The following FBXO27 variants were observed in gnomAD, a reference collection of about 807,000 sequenced individuals.
FBXO27 encodes F-box only protein 27.
Under a neutral mutation model 28.3 loss-of-function variants are expected in FBXO27, and 28 were observed. The ratio of observed to expected loss-of-function variants is 0.99; its 90% CI spans 0.73 to 1.36. The LOEUF is 1.36. FBXO27 is among the 40% of genes most tolerant of loss of function. The pLI, the probability that FBXO27 is intolerant of heterozygous loss-of-function variation, is 0.00. For synonymous variants in FBXO27, 175 were observed against 167.3 expected (o/e 1.05, Z -0.36); for missense variants, 388 against 394.1 (o/e 0.98, Z 0.13).
chr19:39,020,344 G>C (rs1044188267), downstream of FBXO27, among the ~76,000 whole-genome samples: 2 of 152,086 alleles, frequency 1.3e-5, no homozygotes, highest in Non-Finnish European at 2.9e-5. Context: ...TGTCCTTGAA[G>C]TTAGGAAGTA....
rs767315342 is a variant in FBXO27, at chr19:39,025,234, C to T, written c.*177G>A. The T allele has an allele frequency of 5.1e-5, 41 of 799,932 alleles. No homozygotes were observed. Among genetic ancestry groups the T allele is most frequent in the Middle Eastern group, 7.9e-4 (2 of 2,538 alleles). 49.6% of individuals were successfully genotyped at this position (799,932 alleles called of 1,614,324 possible). ...TAGGTAGATAAGATGGAAGAAGCTT[C>T]TTCTGGTAGTTTCTAGAACCTGAAG... is the stretch of plus-strand genomic sequence containing the variant. On this transcript the variant is annotated 3_prime_UTR_variant, in exon 6 of 6. Coordinates refer to ENST00000292853, the MANE Select transcript of FBXO27 (RefSeq NM_178820.5).
intron 2 of FBXO27, among the ~76,000 whole-genome samples, chr19:39,008,438 C>A (rs114133800): frequency 0.02 from 3,060 of 152,170 alleles, 96 homozygotes; most frequent in African/African-American, 0.069. Context: ...CTTTTTGTTA[C>A]AAAATCAGTA....
At chr19:39,019,310 A>C (rs2072833856), downstream of FBXO27, among the ~76,000 whole-genome samples, 4 of 151,142 alleles carry the variant, frequency 2.6e-5, 1 homozygote, top group South Asian at 8.4e-4. Flanking sequence ...CTGTAGTCCC[A>C]GCTACTCGGG....
At chr19:39,025,952 A>G (rs1266396070) in intron 5 of FBXO27, among the ~76,000 whole-genome samples, 2 of 152,094 alleles carry the variant, frequency 1.3e-5, no homozygotes, top group African/African-American at 4.8e-5. Context: ...TGGCAGGCGA[A>G]GGTTGCAGTG....
At chr19:39,012,896 G>A (rs922190735) in intron 2 of FBXO27, among the ~76,000 whole-genome samples, 1 of 152,026 alleles carries the variant, frequency 6.6e-6, no homozygotes, top group African/African-American at 2.4e-5. Context: ...GGAGGTAGAG[G>A]TTGCAGTGAG....
Position 39,024,232 on chromosome 19 carries a change from CT to C in FBXO27, c.*1178del, listed in dbSNP as rs947925025. ...GAGTGGGCAGAACCATCTCCAAATTCTTTTTTTTTTTTGAGACAGGGTCTCG... is the reference window on the plus strand; with the variant it reads ...GAGTGGGCAGAACCATCTCCAAATTCTTTTTTTTTTTGAGACAGGGTCTCG... On this transcript the variant is annotated 3_prime_UTR_variant, in exon 6 of 6. Transcript: ENST00000292853. 1.6e-3 allele frequency: 227 copies of C among 145,422 alleles called. No homozygotes were observed. The highest frequency in any genetic ancestry group is 3.6e-3 in the Middle Eastern group (1 of 278). 9.0% of individuals were successfully genotyped at this position (145,422 alleles called of 1,614,324 possible). A position where few individuals can be genotyped will look rare whatever the true frequency, so the allele number is the denominator to read the frequency against.
intron 1 of FBXO27, among the ~76,000 whole-genome samples, chr19:39,018,556 C>G (rs1846202913): frequency 1.3e-5 from 2 of 152,068 alleles, no homozygotes; most frequent in Non-Finnish European, 2.9e-5. Flanking sequence ...ACTGACAGTG[C>G]TCCCAAGAAG....
chr19:39,031,115 G>T lies in FBXO27; in HGVS notation c.486C>A (p.Cys162Ter), dbSNP rs372038018. The change falls in exon 4 of 6, where the codon TGC (cysteine) becomes TGA (stop). Residue 162 changes from cysteine (C) to a stop codon, truncating the protein, a stop_gained. Transcript: ENST00000292853. LOFTEE classifies it high-confidence loss of function. The stretch of plus-strand genomic sequence containing the variant: ...CCTCTAGGTCCAAGACCTGCTTCTT[G>T]CAACACCAGCTGGGAATGCAGGAGA... ...TCFVTSFSWCCKKQVLDLEEE... is the reference protein window; with the variant it reads ...TCFVTSFSWC The T allele has an allele frequency of 6.2e-7, 1 of 1,613,950 alleles. No individual in the cohort carries two copies. Among genetic ancestry groups the T allele is most frequent in the Non-Finnish European group, 8.5e-7 (1 of 1,179,998 alleles).
intron 2 of FBXO27, among the ~76,000 whole-genome samples, chr19:39,012,188 C>CT (rs34249268): frequency 0.55 from 73,133 of 133,266 alleles, 20,157 homozygotes; most frequent in Middle Eastern, 0.61. Context: ...ATTTATTAAC[C>CT]TTTTTTTTTT....
chr19:39,032,012 G>A lies in FBXO27; in HGVS notation c.216C>T (p.Ala72=). 6.6e-7 allele frequency: 1 copy of A among 1,524,936 alleles called. No individual in the cohort carries two copies. The highest frequency in any genetic ancestry group is 8.7e-7 in the Non-Finnish European group (1 of 1,144,128). 94.5% of individuals were successfully genotyped at this position (1,524,936 alleles called of 1,614,324 possible). A position where few individuals can be genotyped will look rare whatever the true frequency, so the allele number is the denominator to read the frequency against. ...DGQALWLLIL[A]RDHGATGRAL... ...CGCGGCCGGTGGCGCCGTGGTCGCG[G>A]GCCAGGATCAGCAGCCACAGGGCCT... Residue 72 remains alanine, a synonymous_variant, in exon 2 of 6, where the codon GCC becomes GCT. Transcript: ENST00000292853. This position sits in a 1 kb window ranked among gnomAD's most constrained non-coding sequence, Gnocchi z 4.7.
At chr19:39,010,413 T>G (rs2072789234) in intron 2 of FBXO27, among the ~76,000 whole-genome samples, 1 of 152,152 alleles carries the variant, frequency 6.6e-6, no homozygotes, top group Non-Finnish European at 1.5e-5. Context: ...AATCAATTGA[T>G]CATCGAGGTA....
chr19:39,015,350 G>T (rs2072814880), intron 1 of FBXO27, among the ~76,000 whole-genome samples: 1 of 135,114 alleles, frequency 7.4e-6, no homozygotes, highest in Non-Finnish European at 1.5e-5. Context: ...AAAAAAAAAG[G>T]CTGAGTGTGG....
At position 39,025,447 on chromosome 19, in the gene FBXO27, G is replaced by A. The variant is rs201615392; in HGVS notation, c.816C>T (p.Thr272=). Residue 272 remains threonine, a synonymous_variant, in exon 6 of 6, where the codon ACC becomes ACT. Transcript: ENST00000292853. ...FWAGHYGARV[T]NSSVIVRVRL... is the part of the protein sequence containing the mutation. ...GGACTCGCACGATCACACTGGAGTTGGTCACACGGGCTCCATAGTGGCCAG... is the reference window on the plus strand; with the variant it reads ...GGACTCGCACGATCACACTGGAGTTAGTCACACGGGCTCCATAGTGGCCAG... 4.6e-4 allele frequency: 750 copies of A among 1,613,992 alleles called. No individual in the cohort carries two copies. The highest frequency in any genetic ancestry group is 6.0e-4 in the Non-Finnish European group (711 of 1,180,026).
chr19:39,011,005 T>C (rs2072791532), intron 2 of FBXO27, among the ~76,000 whole-genome samples: 1 of 152,258 alleles, frequency 6.6e-6, no homozygotes, highest in Non-Finnish European at 1.5e-5. Context: ...GTAGTAAGTT[T>C]TGAAACTGGA....
In FBXO27 at chr19:39,012,527, G is replaced by T. The variant is rs370023175; in HGVS notation, c.252+1860C>A. 3.3e-5 allele frequency among the ~76,000 whole-genome samples: 5 copies of T among 152,264 alleles called. No individual in the cohort carries two copies. The South Asian group carries it at 8.3e-4, about 25-fold the overall frequency. The stretch of plus-strand genomic sequence containing the variant: ...CTAAATGTTTCATCCAGAAGGGTTG[G>T]ATACAAAAGGGATGGAAGCATTTCA... On this transcript the variant is annotated intron_variant, in intron 2 of 2. Transcript: ENST00000598394.
chr19:39,016,264 T>C (rs752211431), intron 1 of FBXO27, among the ~76,000 whole-genome samples: 26 of 152,020 alleles, frequency 1.7e-4, no homozygotes, highest in Non-Finnish European at 3.5e-4. Context: ...GTGACCCTAA[T>C]ACAAACTATG....
In FBXO27 at chr19:39,025,962, G is replaced by A. The variant is rs187988374; in HGVS notation, c.709-408C>T. On this transcript the variant is annotated intron_variant, in intron 5 of 5. Coordinates refer to ENST00000292853, the MANE Select transcript of FBXO27 (RefSeq NM_178820.5). ...GAACCTGGCAGGCGAAGGTTGCAGT[G>A]AGCAGAGATCATGCTACTACACTCC... Among the ~76,000 whole-genome samples the A allele has an allele frequency of 2.2e-4, 34 of 152,168 alleles. No homozygotes were observed. In the East Asian group the frequency reaches 6.2e-3, roughly 28 times the overall value.
chr19:39,006,992 G>C (rs1975738657), intron 2 of FBXO27, among the ~76,000 whole-genome samples: 1 of 148,868 alleles, frequency 6.7e-6, no homozygotes, highest in South Asian at 2.2e-4. Context: ...AGGATCACTT[G>C]AGGCCAGGAA....
In FBXO27 at chr19:39,032,056, G is replaced by T; in HGVS notation, c.172C>A (p.Arg58=). The change falls in exon 2 of 6, where the codon CGA becomes AGA. Residue 58 remains arginine, a synonymous_variant. Coordinates refer to ENST00000292853, the MANE Select transcript of FBXO27 (RefSeq NM_178820.5). This position sits in a 1 kb window ranked among gnomAD's most constrained non-coding sequence, Gnocchi z 4.7. ...AGGGCCTGGCCGTCCACCAGGGCTC[G>T]CCAGCCCCGGCACACTTGGCGGCAG... The part of the protein sequence containing the change: ...GRCRQVCRGW[R]ALVDGQALWL... The T allele has an allele frequency of 6.5e-7, 1 of 1,528,298 alleles. No individual in the cohort carries two copies. The allele number at this position is 1,528,298 out of a possible 1,614,324, so 94.7% of individuals were successfully genotyped here.
Sources: gnomAD v4.1 joint callset for allele counts (sites outside exome capture counted in the v4.1 genomes callset) on GRCh38, gnomAD v4.1.1 for gene constraint, Gnocchi (gnomAD v3.1) non-coding constraint, MANE v1.5 for transcripts, NCBI Gene and HGNC (gene_info 2026-07-23, HGNC 2026-07-21) for gene names.